The following PIK3R1 variants were observed in gnomAD, a reference collection of about 807,000 sequenced individuals.
The protein encoded by PIK3R1 is phosphoinositide-3-kinase regulatory subunit 1.
A neutral mutation model predicts 98.0 loss-of-function variants in PIK3R1; 29 were observed. The observed-to-expected ratio is 0.30, with a 90% CI of 0.22 to 0.40. PIK3R1 has a LOEUF of 0.40. Ranked by LOEUF, PIK3R1 falls within the 10% of genes least tolerant of loss-of-function variation. PIK3R1 has a pLI of 1.00. For missense variants in PIK3R1, 596 were observed against 872.7 expected (o/e 0.68, Z 3.99); for synonymous variants, 282 against 311.8 (o/e 0.90, Z 1.01).
intron 14 of PIK3R1, chr5:68,295,690 C>T: frequency 3.4e-6 from 2 of 589,156 alleles, no homozygotes; most frequent in Non-Finnish European, 3.0e-6. Context: ...TATTTTTACT[C>T]ATAATGCTGT....
intron 1 of PIK3R1, among the ~76,000 whole-genome samples, chr5:68,218,941 T>C (rs1237019607): frequency 2.0e-5 from 3 of 152,366 alleles, no homozygotes; most frequent in Admixed American, 6.5e-5. Context: ...TATCATTTAC[T>C]GCATTTTCCC....
At chr5:68,230,289 A>G (rs72757654) in intron 2 of PIK3R1, among the ~76,000 whole-genome samples, 2,891 of 152,294 alleles carry the variant, frequency 0.019, 38 homozygotes, top group East Asian at 0.039. Context: ...TTGTTCATTG[A>G]CTGTTCCCTC....
intron 2 of PIK3R1, among the ~76,000 whole-genome samples, chr5:68,270,091 G>A (rs1462375397): frequency 6.6e-6 from 1 of 151,946 alleles, no homozygotes; most frequent in Admixed American, 6.6e-5. Flanking sequence ...AATCTGGTGT[G>A]CCTTTTGAGA....
intron 2 of PIK3R1, among the ~76,000 whole-genome samples, chr5:68,272,754 T>C (rs1317526259): frequency 6.6e-6 from 1 of 152,208 alleles, no homozygotes; most frequent in African/African-American, 2.4e-5. Context: ...AGAAATTTAT[T>C]TTGATATCAA....
At chr5:68,258,434 A>G (rs984774691) in intron 2 of PIK3R1, among the ~76,000 whole-genome samples, 9 of 152,206 alleles carry the variant, frequency 5.9e-5, no homozygotes, top group Non-Finnish European at 1.2e-4. Context: ...CTCTTCCTCT[A>G]ATACTATGTA....
chr5:68,227,653 A>G (rs1336863666), intron 2 of PIK3R1, among the ~76,000 whole-genome samples: 1 of 152,154 alleles, frequency 6.6e-6, no homozygotes, highest in East Asian at 1.9e-4. Context: ...CTGAGAAGAA[A>G]CCATTGTTTT....
chr5:68,294,866 C>G (rs1331320854), intron 12 of PIK3R1, among the ~76,000 whole-genome samples, 188 bp downstream of exon 12: 2 of 151,740 alleles, frequency 1.3e-5, no homozygotes, highest in Admixed American at 6.6e-5. Context: ...TGCTAGATGA[C>G]GAGTTAGTGG....
intron 1 of PIK3R1, among the ~76,000 whole-genome samples, chr5:68,218,662 G>A (rs1377936129): frequency 6.6e-6 from 1 of 152,098 alleles, no homozygotes; most frequent in Non-Finnish European, 1.5e-5. Context: ...GTTTGTGTTG[G>A]GTTTTGGAAT....
chr5:68,277,980 A>G (rs1174771531), intron 4 of PIK3R1, among the ~76,000 whole-genome samples: 1 of 152,006 alleles, frequency 6.6e-6, no homozygotes, highest in African/African-American at 2.4e-5. Context: ...TACTTTCCTC[A>G]AGTTATCCTT....
In PIK3R1 at chr5:68,262,634, C is replaced by T. The variant is rs1326652403; in HGVS notation, c.335-10756C>T. On this transcript the variant is annotated intron_variant, in intron 2 of 15. Coordinates refer to ENST00000521381, the MANE Select transcript of PIK3R1 (RefSeq NM_181523.3). ...GTATACACATGTAGATGCATGTATA[C>T]ACATGTATACACATGTATCTGCATG... 8.0e-4 allele frequency among the ~76,000 whole-genome samples: 109 copies of T among 136,340 alleles called. 1 individual carries two copies. Among genetic ancestry groups the T allele is most frequent in the Non-Finnish European group, 1.3e-3 (82 of 64,204 alleles). 89.4% of individuals were successfully genotyped at this position (136,340 alleles called of 152,430 possible).
intron 2 of PIK3R1, among the ~76,000 whole-genome samples, chr5:68,250,536 C>A (rs1012178765): frequency 6.6e-6 from 1 of 152,160 alleles, no homozygotes; most frequent in Non-Finnish European, 1.5e-5. Flanking sequence ...GTTTATATTA[C>A]CCTTTATGTC....
chr5:68,290,738 A>G (rs1310958465), intron 7 of PIK3R1: 4 of 1,612,556 alleles, frequency 2.5e-6, no homozygotes, highest in Non-Finnish European at 3.4e-6. Flanking sequence ...AATGTACAAT[A>G]CTGTTTGGAA....
intron 2 of PIK3R1, among the ~76,000 whole-genome samples, chr5:68,263,100 TATAG>T (rs372200136): frequency 2.3e-5 from 3 of 133,282 alleles, no homozygotes; most frequent in Non-Finnish European, 4.9e-5. Context: ...GATACATGTA[TATAG>T]ATACATACAT....
chr5:68,291,312 A>C (rs546198350), intron 7 of PIK3R1: 2 of 152,418 alleles, frequency 1.3e-5, no homozygotes, highest in African/African-American at 4.8e-5. Flanking sequence ...CTCTCATATT[A>C]AGATATTATA....
In PIK3R1 at chr5:68,223,844, C is replaced by A. The variant is rs780268655; in HGVS notation, c.-386-2446C>A. On this transcript the variant is annotated intron_variant, in intron 1 of 15. Coordinates refer to ENST00000521381, the MANE Select transcript of PIK3R1 (RefSeq NM_181523.3). ...CTGGAGCCTTTTCTTAATACAGAGC[C>A]CCCTGGCAAGGAACAGCTTCAGAGG... is the stretch of plus-strand genomic sequence containing the variant. 5.3e-4 allele frequency among the ~76,000 whole-genome samples: 80 copies of A among 152,188 alleles called. 1 individual carries two copies. Among genetic ancestry groups the A allele is most frequent in the Non-Finnish European group, 9.1e-4 (62 of 68,046 alleles).
chr5:68,276,622 CG>C (rs1208145919), intron 4 of PIK3R1, among the ~76,000 whole-genome samples: 1 of 152,104 alleles, frequency 6.6e-6, no homozygotes, highest in Non-Finnish European at 1.5e-5. Flanking sequence ...TGGAAGAGCA[CG>C]TTAGGCCAGT....
chr5:68,221,738 C>T (rs552616270), intron 1 of PIK3R1, among the ~76,000 whole-genome samples: 1 of 152,266 alleles, frequency 6.6e-6, no homozygotes, highest in South Asian at 2.1e-4. Context: ...TACTTTACAG[C>T]AGTTGTACGT....
At chr5:68,277,621 T>G (rs1482624884) in intron 4 of PIK3R1, among the ~76,000 whole-genome samples, 3 of 152,210 alleles carry the variant, frequency 2.0e-5, no homozygotes, top group Non-Finnish European at 4.4e-5. Context: ...TAGAATGATT[T>G]GTACTGTCAT....
intron 1 of PIK3R1, among the ~76,000 whole-genome samples, chr5:68,226,073 A>G (rs1744263106): frequency 6.6e-6 from 1 of 151,626 alleles, no homozygotes; most frequent in South Asian, 2.1e-4. Context: ...TCGCTAAGAC[A>G]TTGCCTCATG....
Sources: gnomAD v4.1 joint callset for allele counts (sites outside exome capture counted in the v4.1 genomes callset) on GRCh38, gnomAD v4.1.1 for gene constraint, MANE v1.5 for transcripts, NCBI Gene and HGNC (gene_info 2026-07-23, HGNC 2026-07-21) for gene names.